Variants in BRCA1 observed in about 807,000 individuals in gnomAD.
BRCA1 encodes the protein BRCA1 DNA repair associated, also known as breast cancer type 1 susceptibility protein.
In BRCA1, 140 loss-of-function variants were observed where a neutral mutation model predicts 173.7. The ratio of observed to expected loss-of-function variants is 0.81; its 90% CI spans 0.70 to 0.93. The LOEUF (loss-of-function observed/expected upper bound fraction) is 0.93. Among genes scored for constraint, BRCA1 ranks in the 40% least tolerant of loss-of-function variants. The pLI is 0.00. For synonymous variants in BRCA1, 662 were observed against 756.0 expected, an observed-to-expected ratio of 0.88 and a Z score of 2.04; for missense variants, 1,983 against 2,172.5, an observed-to-expected ratio of 0.91 and a Z score of 1.73.
At chr17:43,080,871 G>C (rs1205361029) in intron 12 of BRCA1, among the ~76,000 whole-genome samples, 1 of 151,746 alleles carries the variant, frequency 6.6e-6, no homozygotes. Flanking sequence ...CTAGTTAACA[G>C]TGCGTCCCTG....
Position 43,071,106 on chromosome 17 carries a change from G to C in BRCA1, c.4808C>G (p.Pro1603Arg), listed in dbSNP as rs1064794054. Residue 1603 changes from proline (P) to arginine (R), a missense_variant, in exon 15 of 23, where the codon CCC (proline) becomes CGC (arginine). Pro to Arg is a moderately radical substitution (Grantham distance 103). Transcript: ENST00000357654. ...GGCAGATTCTGCAACTTTCAATTGG[G>C]GAACTTTCAATGCAGAGGTTGAAGA... ...IPSSTSALKVPQLKVAESAQS... is the reference protein window; with the variant it reads ...IPSSTSALKVRQLKVAESAQS... The C allele has an allele frequency of 6.2e-7, 1 of 1,614,086 alleles. No individual in the cohort carries two copies. Among genetic ancestry groups the C allele is most frequent in the African/African-American group, 1.3e-5 (1 of 75,026 alleles).
chr17:43,157,038 A>G (rs960529746), intron 1 of BRCA1, among the ~76,000 whole-genome samples: 3 of 152,222 alleles, frequency 2.0e-5, no homozygotes, highest in African/African-American at 7.2e-5. Flanking sequence ...AGTGACTGGA[A>G]AAAGCAGCTA....
chr17:43,069,014 T>A (rs1319454951), intron 15 of BRCA1, among the ~76,000 whole-genome samples: 1 of 152,218 alleles, frequency 6.6e-6, no homozygotes, highest in Non-Finnish European at 1.5e-5. Context: ...GGCCATCATT[T>A]ACTAGCCATA....
chr17:43,132,747 T>G (rs1317012787), intron 1 of BRCA1: 1 of 151,508 alleles, frequency 6.6e-6, no homozygotes, highest in Non-Finnish European at 1.5e-5. Flanking sequence ...CCCAGCTAAT[T>G]CTTTTTTTCT....
intron 1 of BRCA1, among the ~76,000 whole-genome samples, chr17:43,151,048 C>T (rs1189604031): frequency 1.3e-5 from 2 of 152,050 alleles, no homozygotes; most frequent in Non-Finnish European, 2.9e-5. Flanking sequence ...GCTTTATTCC[C>T]TAGGGCCCTC....
At chr17:43,126,419 T>C (rs1164295046), upstream of BRCA1, among the ~76,000 whole-genome samples, 1 of 152,122 alleles carries the variant, frequency 6.6e-6, no homozygotes, top group East Asian at 1.9e-4. Flanking sequence ...GGACGGTCTT[T>C]GCATTGCCGC....
At chr17:43,100,585 CATATATATATT>C (rs1567807118) in intron 6 of BRCA1, among the ~76,000 whole-genome samples, 2,848 of 93,374 alleles carry the variant, frequency 0.031, 289 homozygotes, top group Non-Finnish European at 0.04. Flanking sequence ...ATATATATAA[CATATATATATT>C]ATATATATAT....
chr17:43,085,359 CA>C (rs1195977234), intron 11 of BRCA1, among the ~76,000 whole-genome samples: 90 of 139,118 alleles, frequency 6.5e-4, no homozygotes, highest in Admixed American at 5.1e-4. Context: ...AACTCTGTCT[CA>C]AAAAAAAAAA....
intron 11 of BRCA1, among the ~76,000 whole-genome samples, chr17:43,084,117 G>A (rs1437809048): frequency 1.3e-5 from 2 of 151,226 alleles, no homozygotes; most frequent in Non-Finnish European, 2.9e-5. Flanking sequence ...TGCAAGCTCC[G>A]CCTCCCAGGT....
intron 1 of BRCA1, among the ~76,000 whole-genome samples, chr17:43,153,903 A>C (rs2056179506): frequency 6.6e-6 from 1 of 152,180 alleles, no homozygotes; most frequent in Admixed American, 6.5e-5. Flanking sequence ...TAATAAGCTT[A>C]AGGCTGGGCG....
chr17:43,078,257 G>A (rs1158672024), intron 12 of BRCA1, among the ~76,000 whole-genome samples: 1 of 152,014 alleles, frequency 6.6e-6, no homozygotes, highest in Non-Finnish European at 1.5e-5. Flanking sequence ...GCTAATTTTT[G>A]TATTTTTTGT....
At chr17:43,109,996 G>A (rs995237128) in intron 3 of BRCA1, among the ~76,000 whole-genome samples, 1 of 151,524 alleles carries the variant, frequency 6.6e-6, no homozygotes, top group East Asian at 1.9e-4. Flanking sequence ...CTGGGTTCAC[G>A]CCATTCTCCT....
chr17:43,093,671 A>T lies in BRCA1; in HGVS notation c.1860T>A (p.Ile620=), dbSNP rs1324048846. The T allele has an allele frequency of 6.2e-7, 1 of 1,613,984 alleles. No homozygotes were observed. Among genetic ancestry groups the T allele is most frequent in the Non-Finnish European group, 8.5e-7 (1 of 1,180,010 alleles). ...TACTGACTACTAGTTCAAGCGCATG[A>T]ATATGCCTGGTAGAAGACTTCCTCC... ...RLRRKSSTRH[I]HALELVVSRN... Residue 620 remains isoleucine, a synonymous_variant, in exon 10 of 23, where the codon ATT becomes ATA. Transcript: ENST00000357654.
chr17:43,101,656 C>A (rs1425642625), intron 6 of BRCA1, among the ~76,000 whole-genome samples: 1 of 151,744 alleles, frequency 6.6e-6, no homozygotes, highest in Non-Finnish European at 1.5e-5. Flanking sequence ...GTACGTGCCA[C>A]CACACCCAGC....
At chr17:43,121,992 T>C (rs2154571641) in intron 2 of BRCA1, among the ~76,000 whole-genome samples, 1 of 152,300 alleles carries the variant, frequency 6.6e-6, no homozygotes, top group African/African-American at 2.4e-5. Flanking sequence ...AAGCAGTTTT[T>C]TCCTACAATG....
chr17:43,090,839 T>C (rs2053422759), intron 11 of BRCA1, 105 bp downstream of exon 11: 1 of 1,070,662 alleles, frequency 9.3e-7, no homozygotes, highest in African/African-American at 1.6e-5. Context: ...ATTGTGCCAT[T>C]AATTCAAAGA....
intron 6 of BRCA1, among the ~76,000 whole-genome samples, chr17:43,101,989 ACT>A (rs1457837022): frequency 6.6e-6 from 1 of 151,196 alleles, no homozygotes; most frequent in African/African-American, 2.4e-5. Flanking sequence ...TGCAGCCTTG[ACT>A]CTCTATGTTA....
At chr17:43,070,196 G>A (rs1306719085) in intron 15 of BRCA1, among the ~76,000 whole-genome samples, 3 of 152,072 alleles carry the variant, frequency 2.0e-5, no homozygotes, top group Non-Finnish European at 4.4e-5. Flanking sequence ...GCCTCCCAAA[G>A]TGCTGGGATT....
At chr17:43,155,073 C>T (rs1411457181) in intron 1 of BRCA1, among the ~76,000 whole-genome samples, 1 of 152,166 alleles carries the variant, frequency 6.6e-6, no homozygotes. Flanking sequence ...TGTAATAATC[C>T]AGGAGGATAT....
Sources: allele counts gnomAD v4.1 joint callset (sites outside exome capture counted in the v4.1 genomes callset), GRCh38; gene constraint gnomAD v4.1.1; transcripts MANE v1.5; gene names NCBI Gene and HGNC (gene_info 2026-07-23, HGNC 2026-07-21).